Variants in TMEM266 observed in about 807,000 individuals in gnomAD.
The protein encoded by TMEM266 is transmembrane protein 266.
In TMEM266, 33 loss-of-function variants were observed where a neutral mutation model predicts 50.5. The ratio of observed to expected loss-of-function variants is 0.65; its 90% CI spans 0.50 to 0.87. The LOEUF (loss-of-function observed/expected upper bound fraction) is 0.87, where lower values mean the gene tolerates loss of function less well. TMEM266 is among the 40% of genes least tolerant of loss of function. TMEM266 has a pLI of 0.00. For missense variants in TMEM266, 655 were observed against 695.1 expected, an observed-to-expected ratio of 0.94 and a Z score of 0.65; for synonymous variants, 310 against 292.3, an observed-to-expected ratio of 1.06 and a Z score of -0.62.
chr15:76,182,337 G>T (rs2038425620), intron 8 of TMEM266, among the ~76,000 whole-genome samples: 1 of 151,864 alleles, frequency 6.6e-6, no homozygotes, highest in Non-Finnish European at 1.5e-5. Flanking sequence ...TTTCAGTAAG[G>T]GTTAAAAAAA....
Position 76,192,042 on chromosome 15 carries a change from C to G in TMEM266, c.843C>G (p.Leu281=), listed in dbSNP as rs766636831. The change falls in exon 9 of 11, where the codon CTC becomes CTG. Residue 281 remains leucine (L), a synonymous_variant. Transcript: ENST00000388942. ...TGGCTGCCGAGCGCGAAGCGGCGCT[C>G]CAGGCCCCGCACGTGCTCAGCCAGC... 3.1e-5 allele frequency: 48 copies of G among 1,554,390 alleles called. No homozygotes were observed. The highest frequency in any genetic ancestry group is 4.1e-5 in the Non-Finnish European group (48 of 1,156,988).
At chr15:76,088,658 G>C (rs970239797) in intron 1 of TMEM266, among the ~76,000 whole-genome samples, 1 of 151,576 alleles carries the variant, frequency 6.6e-6, no homozygotes, top group South Asian at 2.1e-4. Flanking sequence ...TTAGCCAGGC[G>C]TGGTGGCAGG....
intron 1 of TMEM266, among the ~76,000 whole-genome samples, chr15:76,118,830 A>G (rs906644013): frequency 6.6e-5 from 10 of 152,224 alleles, no homozygotes; most frequent in African/African-American, 2.2e-4. Context: ...ACGTAGTAGC[A>G]TCATGCAGGG....
chr15:76,155,630 G>C (rs1008787143), intron 3 of TMEM266, among the ~76,000 whole-genome samples: 2 of 152,118 alleles, frequency 1.3e-5, no homozygotes, highest in Non-Finnish European at 2.9e-5. Context: ...TGATGCATAA[G>C]AGCATATTGA....
At chr15:76,144,772 C>T (rs1327504063) in intron 3 of TMEM266, among the ~76,000 whole-genome samples, 4 of 152,116 alleles carry the variant, frequency 2.6e-5, no homozygotes, top group South Asian at 2.1e-4. Context: ...AACCTTCATG[C>T]GTGTCCACAG....
chr15:76,079,436 C>T (rs540973413), intron 1 of TMEM266, among the ~76,000 whole-genome samples: 20 of 145,678 alleles, frequency 1.4e-4, no homozygotes, highest in Non-Finnish European at 2.4e-4. Flanking sequence ...GGATTTAGGG[C>T]CCACCTTAAT....
At chr15:76,124,341 T>G (rs2037387848) in intron 1 of TMEM266, among the ~76,000 whole-genome samples, 1 of 152,214 alleles carries the variant, frequency 6.6e-6, no homozygotes, top group Non-Finnish European at 1.5e-5. Flanking sequence ...GAGAAGAGCT[T>G]GGGTTCTCTG....
At position 76,204,248 on chromosome 15, in the gene TMEM266, T is replaced by C. The variant is rs955789282; in HGVS notation, c.1529T>C (p.Met510Thr). Residue 510 changes from methionine (M) to threonine (T), a missense_variant, in exon 11 of 11, where the codon ATG becomes ACG. Physicochemically the swap from Met to Thr is moderately conservative, Grantham distance 81. This residue lies in a region of TMEM266 where 455 missense variants were observed against 401.8 expected (regional missense o/e 1.13). Coordinates refer to ENST00000388942, the MANE Select transcript of TMEM266 (RefSeq NM_152335.3). ...ATCCACTTCCAGCCCACTGTGCCCA[T>C]GCTGGAGGACAAGTTCAGATCTTTG... is the stretch of plus-strand genomic sequence containing the variant. 9.3e-6 allele frequency: 15 copies of C among 1,613,894 alleles called. No homozygotes were observed. Among genetic ancestry groups the C allele is most frequent in the South Asian group, 2.2e-5 (2 of 91,070 alleles).
intron 1 of TMEM266, among the ~76,000 whole-genome samples, chr15:76,076,599 T>C (rs1207080144): frequency 6.6e-6 from 1 of 151,712 alleles, no homozygotes; most frequent in Non-Finnish European, 1.5e-5. Context: ...GCAGGAAGAG[T>C]TTACCAATTC....
intron 1 of TMEM266, among the ~76,000 whole-genome samples, chr15:76,119,059 G>A (rs2037296160): frequency 6.6e-6 from 1 of 152,194 alleles, no homozygotes; most frequent in African/African-American, 2.4e-5. Flanking sequence ...CCCTGGGAAT[G>A]AGGACAGGAA....
chr15:76,083,734 A>C (rs995441579), intron 1 of TMEM266, among the ~76,000 whole-genome samples: 2 of 152,050 alleles, frequency 1.3e-5, no homozygotes, highest in African/African-American at 4.8e-5. Flanking sequence ...GCCCTACCGT[A>C]AGCCTCATGG....
intron 1 of TMEM266, among the ~76,000 whole-genome samples, chr15:76,129,664 A>G (rs1312743864): frequency 5.3e-5 from 8 of 151,870 alleles, no homozygotes; most frequent in African/African-American, 1.9e-4. Context: ...ATAAACAAAA[A>G]ACAAAACAAA....
chr15:76,201,103 AG>A (rs2038739540), intron 9 of TMEM266, among the ~76,000 whole-genome samples: 1 of 151,788 alleles, frequency 6.6e-6, no homozygotes, highest in South Asian at 2.1e-4. Context: ...TCCACGGGGG[AG>A]GGAGGACAGC....
At chr15:76,083,471 G>A (rs899821588) in intron 1 of TMEM266, among the ~76,000 whole-genome samples, 3 of 152,016 alleles carry the variant, frequency 2.0e-5, no homozygotes, top group African/African-American at 7.3e-5. Flanking sequence ...CTTAATTTCT[G>A]TTTCTCGAAC....
chr15:76,160,722 G>T lies in TMEM266; in HGVS notation c.456+554G>T, dbSNP rs1488169753. Among the ~76,000 whole-genome samples the T allele has an allele frequency of 6.6e-6, 1 of 152,202 alleles. No individual in the cohort carries two copies. The highest frequency in any genetic ancestry group is 2.4e-5 in the African/African-American group (1 of 41,454). Reference sequence around the variant, plus strand: ...AAGATGTGCCTCTCAGTGTGAGTGCGAGGCTGTATTTCCGAGGTGGGGGCT... The same window carrying T: ...AAGATGTGCCTCTCAGTGTGAGTGCTAGGCTGTATTTCCGAGGTGGGGGCT... On this transcript the variant is annotated intron_variant, in intron 5 of 10. Transcript: ENST00000388942. This position sits in a 1 kb window ranked among gnomAD's most constrained non-coding sequence, Gnocchi z 5.7.
At chr15:76,196,304 C>T (rs918950510) in intron 9 of TMEM266, among the ~76,000 whole-genome samples, 1 of 152,216 alleles carries the variant, frequency 6.6e-6, no homozygotes, top group African/African-American at 2.4e-5. Context: ...CTGCCTGCCC[C>T]AGCCTAGGCA....
At chr15:76,155,877 T>C (rs1427331109) in intron 3 of TMEM266, among the ~76,000 whole-genome samples, 1 of 152,188 alleles carries the variant, frequency 6.6e-6, no homozygotes, top group Non-Finnish European at 1.5e-5. Flanking sequence ...TAAAGGCAAA[T>C]TGAGATGCTC....
At chr15:76,129,671 CA>C (rs371509172) in intron 1 of TMEM266, among the ~76,000 whole-genome samples, 10 of 150,928 alleles carry the variant, frequency 6.6e-5, no homozygotes, top group African/African-American at 2.2e-4. Context: ...AAAAACAAAA[CA>C]AAAAAAACTG....
chr15:76,119,276 C>G (rs146691967), intron 1 of TMEM266, among the ~76,000 whole-genome samples: 1 of 151,582 alleles, frequency 6.6e-6, no homozygotes, highest in South Asian at 2.1e-4. Context: ...TGTACCCACT[C>G]TACTTGCCAG....
Sources: allele counts gnomAD v4.1 joint callset (sites outside exome capture counted in the v4.1 genomes callset), GRCh38; gene constraint gnomAD v4.1.1; regional missense constraint gnomAD v4.1.1; non-coding constraint Gnocchi (gnomAD v3.1); transcripts MANE v1.5; gene names NCBI Gene and HGNC (gene_info 2026-07-23, HGNC 2026-07-21).